The following SIPA1L3 variants were observed in gnomAD, a reference collection of about 807,000 sequenced individuals.
SIPA1L3 encodes the protein signal-induced proliferation-associated 1-like protein 3.
SIPA1L3 carries 59 observed loss-of-function variants against 150.1 expected under a neutral mutation model. The observed-to-expected ratio is 0.39, with a 90% confidence interval of 0.32 to 0.49. The LOEUF (loss-of-function observed/expected upper bound fraction) is 0.49, where lower values mean the gene tolerates loss of function less well. Among genes scored for constraint, SIPA1L3 ranks in the 20% least tolerant of loss-of-function variants. SIPA1L3 has a pLI of 0.86. For missense variants in SIPA1L3, 2,211 were observed against 2,489.5 expected, an observed-to-expected ratio of 0.89 and a Z score of 2.38; for synonymous variants, 1,070 against 1,077.6, an observed-to-expected ratio of 0.99 and a Z score of 0.14.
intron 9 of SIPA1L3, among the ~76,000 whole-genome samples, chr19:38,120,962 C>G (rs1971003060): frequency 6.6e-6 from 1 of 152,252 alleles, no homozygotes; most frequent in Non-Finnish European, 1.5e-5. Context: ...AGTCCCAGCA[C>G]TGCCACTTAC....
intron 2 of SIPA1L3, among the ~76,000 whole-genome samples, chr19:38,061,510 G>C (rs887655681): frequency 3.9e-5 from 6 of 152,168 alleles, no homozygotes; most frequent in African/African-American, 1.2e-4. Flanking sequence ...CCTTAGTGGT[G>C]AGTTGACGTG....
rs1448651113 is a variant in SIPA1L3, at chr19:37,962,459, C to T, written c.-379+55101C>T. Reference sequence around the variant, plus strand: ...GTGCTTGGCCATGAGCCACTGCAGCCGGCCTTTTTTTTTTTTTTTTTTTTT... The same window carrying T: ...GTGCTTGGCCATGAGCCACTGCAGCTGGCCTTTTTTTTTTTTTTTTTTTTT... On this transcript the variant is annotated intron_variant, in intron 1 of 21. Transcript: ENST00000222345. 1.3e-4 allele frequency among the ~76,000 whole-genome samples: 12 copies of T among 89,862 alleles called. No homozygotes were observed. In the East Asian group the frequency reaches 4.7e-3, roughly 35 times the overall value. 59.0% of individuals were successfully genotyped at this position (89,862 alleles called of 152,430 possible).
At chr19:38,032,864 A>G (rs1968684221) in intron 2 of SIPA1L3, among the ~76,000 whole-genome samples, 1 of 151,730 alleles carries the variant, frequency 6.6e-6, no homozygotes, top group Non-Finnish European at 1.5e-5. Context: ...AAAAAAAAAA[A>G]GAAGTGAATA....
At chr19:38,097,159 G>C (rs191061864) in intron 4 of SIPA1L3, among the ~76,000 whole-genome samples, 92 of 152,250 alleles carry the variant, frequency 6.0e-4, no homozygotes, top group Admixed American at 1.4e-3. Flanking sequence ...GACCAGCCTG[G>C]GCAACATAGT....
rs2046633996 is a variant in SIPA1L3, at chr19:37,939,549, C to T, written c.-379+32191C>T. On this transcript the variant is annotated intron_variant, in intron 1 of 21. Transcript: ENST00000222345. ...CGAGCCTGTGTTCTCATCAGGGACC[C>T]AGGCTGCTTCCACCTTCTGGCTCCA... 2.0e-5 allele frequency among the ~76,000 whole-genome samples: 3 copies of T among 152,174 alleles called. No individual in the cohort carries two copies. The South Asian group carries it at 6.2e-4, about 32-fold the overall frequency.
intron 3 of SIPA1L3, among the ~76,000 whole-genome samples, chr19:38,088,192 C>CT (rs1451755349): frequency 1.3e-5 from 2 of 151,976 alleles, no homozygotes; most frequent in Non-Finnish European, 2.9e-5. Context: ...CTGGGTCCAC[C>CT]TTTAACTTTA....
intron 1 of SIPA1L3, among the ~76,000 whole-genome samples, chr19:37,921,607 T>G (rs2046458041): frequency 6.6e-6 from 1 of 150,928 alleles, no homozygotes; most frequent in Non-Finnish European, 1.5e-5. Context: ...TTCTTTCTTT[T>G]TTTTTTTTTT....
chr19:37,930,201 T>G (rs2046541449), intron 1 of SIPA1L3, among the ~76,000 whole-genome samples: 1 of 151,972 alleles, frequency 6.6e-6, no homozygotes, highest in African/African-American at 2.4e-5. Flanking sequence ...TTTTGTATTT[T>G]TAGTAGAGAC....
At chr19:37,937,788 T>A (rs899356712) in intron 1 of SIPA1L3, among the ~76,000 whole-genome samples, 1 of 115,218 alleles carries the variant, frequency 8.7e-6, no homozygotes, top group Non-Finnish European at 1.8e-5. Flanking sequence ...GGCTCACACC[T>A]GTAATCCCAG....
chr19:38,074,121 G>A (rs558793896), intron 2 of SIPA1L3, among the ~76,000 whole-genome samples: 2 of 152,290 alleles, frequency 1.3e-5, no homozygotes, highest in East Asian at 1.9e-4. Context: ...GGAGGAGCTC[G>A]GTAGAAGACA....
intron 1 of SIPA1L3, among the ~76,000 whole-genome samples, chr19:38,002,667 T>C (rs945729583): frequency 8.1e-5 from 10 of 124,054 alleles, no homozygotes; most frequent in African/African-American, 3.2e-4. Flanking sequence ...TGCAGTGAGC[T>C]GAGATCACGC....
chr19:38,065,872 A>G (rs1271098460), intron 2 of SIPA1L3, among the ~76,000 whole-genome samples: 2 of 138,446 alleles, frequency 1.4e-5, no homozygotes, highest in Non-Finnish European at 3.1e-5. Context: ...TTTTGAGGCA[A>G]CGTCTTGCTC....
At chr19:38,000,150 T>C (rs1201060178) in intron 1 of SIPA1L3, among the ~76,000 whole-genome samples, 2 of 152,172 alleles carry the variant, frequency 1.3e-5, no homozygotes, top group Non-Finnish European at 2.9e-5. Flanking sequence ...CCTGTTGTAA[T>C]GGGCATGCAC....
At chr19:38,013,774 A>G (rs1173759860) in intron 1 of SIPA1L3, among the ~76,000 whole-genome samples, 1 of 152,254 alleles carries the variant, frequency 6.6e-6, no homozygotes, top group African/African-American at 2.4e-5. Flanking sequence ...AAAACCCTGG[A>G]AATAAAACAA....
intron 2 of SIPA1L3, among the ~76,000 whole-genome samples, chr19:38,037,254 A>G (rs1351622053): frequency 6.7e-6 from 1 of 150,204 alleles, no homozygotes; most frequent in East Asian, 1.9e-4. Flanking sequence ...GAGCCCGGAC[A>G]TGTCTTGAGA....
intron 9 of SIPA1L3, among the ~76,000 whole-genome samples, chr19:38,124,410 C>A (rs377110251): frequency 6.8e-6 from 1 of 146,664 alleles, no homozygotes; most frequent in Admixed American, 6.7e-5. Flanking sequence ...GATGGGCGGC[C>A]GGGCAGAGAC....
chr19:38,194,157 G>A (rs1972869528), intron 18 of SIPA1L3, among the ~76,000 whole-genome samples: 1 of 150,956 alleles, frequency 6.6e-6, no homozygotes, highest in Non-Finnish European at 1.5e-5. Context: ...TGCTTCCTGA[G>A]CATTTTATTT....
chr19:37,924,002 T>G (rs1482501243), intron 1 of SIPA1L3, among the ~76,000 whole-genome samples: 1 of 152,166 alleles, frequency 6.6e-6, no homozygotes, highest in Non-Finnish European at 1.5e-5. Context: ...CTCGAACTCC[T>G]ACCCTCTGGT....
intron 1 of SIPA1L3, among the ~76,000 whole-genome samples, chr19:37,942,771 C>T (rs2046671656): frequency 6.6e-6 from 1 of 152,108 alleles, no homozygotes; most frequent in African/African-American, 2.4e-5. Flanking sequence ...AGGGATTGGT[C>T]ATGCTGGGTG....
Sources: allele counts gnomAD v4.1 joint callset (sites outside exome capture counted in the v4.1 genomes callset), GRCh38; gene constraint gnomAD v4.1.1; transcripts MANE v1.5; gene names NCBI Gene and HGNC (gene_info 2026-07-23, HGNC 2026-07-21).